The following ZNF384 variants were observed in gnomAD, a reference collection of about 807,000 sequenced individuals.
The protein encoded by ZNF384 is zinc finger protein 384.
A neutral mutation model predicts 65.0 loss-of-function variants in ZNF384; 20 were observed. The ratio of observed to expected loss-of-function variants is 0.31; its 90% confidence interval spans 0.22 to 0.45. ZNF384 has a LOEUF of 0.45. Among genes scored for constraint, ZNF384 ranks in the 20% least tolerant of loss-of-function variants. The pLI is 1.00. For synonymous variants in ZNF384, 310 were observed against 303.9 expected (o/e 1.02, Z -0.21); for missense variants, 549 against 769.4 (o/e 0.71, Z 3.39).
In ZNF384 at chr12:6,672,540, A is replaced by G. The variant is rs1197920474; in HGVS notation, c.1005-8T>C. On this transcript the variant is annotated splice_region_variant and splice_polypyrimidine_tract_variant and intron_variant, in intron 8 of 11. Transcript: ENST00000683879. The surrounding 1 kb of genome is among the most constrained non-coding windows in gnomAD (Gnocchi z 4.4). Reference sequence around the variant, plus strand: ...TGCATCTTGGAGTGGATCCTGCCGGAGAGGAGAGGAGGGAAGGGGGGAGGA... The same window carrying G: ...TGCATCTTGGAGTGGATCCTGCCGGGGAGGAGAGGAGGGAAGGGGGGAGGA... The G allele has an allele frequency of 6.2e-7, 1 of 1,613,190 alleles. No individual in the cohort carries two copies. The highest frequency in any genetic ancestry group is 2.2e-5 in the East Asian group (1 of 44,870).
rs775175519 is a variant in ZNF384 at position 6,678,758 on chromosome 12, G to A, written c.305-48C>T. The A allele has an allele frequency of 5.0e-6, 8 of 1,597,232 alleles. No homozygotes were observed. Among genetic ancestry groups the A allele is most frequent in the Non-Finnish European group, 6.0e-6 (7 of 1,165,390 alleles). On this transcript the variant is annotated intron_variant, in intron 4 of 11. Coordinates refer to ENST00000683879, the MANE Select transcript of ZNF384 (RefSeq NM_001385745.1). The surrounding 1 kb of genome is among the most constrained non-coding windows in gnomAD (Gnocchi z 4.9). ...TGTCACCTCCTCAAAGGCAGGGACC[G>A]CATCTTCTACTTCTTTGTATCCCCC...
At position 6,682,649 on chromosome 12, in the gene ZNF384, CA is replaced by C. The variant is rs1193634748; in HGVS notation, c.-5-3125del. On this transcript the variant is annotated intron_variant, in intron 2 of 11. Transcript: ENST00000683879. Reference sequence around the variant, plus strand: ...AGAGAAACCCTGTCTCAAAAACAAACAAAAAACAAAACAAAGCAAAGATGGG... The same window carrying C: ...AGAGAAACCCTGTCTCAAAAACAAACAAAAACAAAACAAAGCAAAGATGGG... 3.3e-5 allele frequency among the ~76,000 whole-genome samples: 5 copies of C among 151,988 alleles called. No individual in the cohort carries two copies. The South Asian group carries it at 6.2e-4, about 19-fold the overall frequency.
chr12:6,684,202 T>C (rs1022907685), intron 2 of ZNF384, among the ~76,000 whole-genome samples: 2 of 151,988 alleles, frequency 1.3e-5, no homozygotes, highest in Admixed American at 6.5e-5. Flanking sequence ...AGTCCAACAG[T>C]AAATAGCAAA....
intron 11 of ZNF384, 24 bp downstream of exon 11, chr12:6,669,007 G>A: frequency 6.3e-7 from 1 of 1,584,802 alleles, no homozygotes; most frequent in Non-Finnish European, 8.6e-7. Context: ...CTATGAGGAA[G>A]GAGAGAAGAA....
chr12:6,672,587 G>A lies in ZNF384; in HGVS notation c.1005-55C>T, dbSNP rs1365554346. 15 of 1,553,654 alleles carry A rather than the reference G, an allele frequency of 9.7e-6. No homozygotes were observed. The East Asian group carries it at 3.2e-4, about 33-fold the overall frequency. On this transcript the variant is annotated intron_variant, in intron 8 of 11. Coordinates refer to ENST00000683879, the MANE Select transcript of ZNF384 (RefSeq NM_001385745.1). The surrounding 1 kb of genome is among the most constrained non-coding windows in gnomAD (Gnocchi z 4.4). ...AGGAGGAAGCAGTTCGACACCAGGGGCTCAGCTCTCTGCTGGGTGAAATGA... is the reference window on the plus strand; with the variant it reads ...AGGAGGAAGCAGTTCGACACCAGGGACTCAGCTCTCTGCTGGGTGAAATGA...
At chr12:6,686,285 A>G (rs1381002613) in intron 2 of ZNF384, among the ~76,000 whole-genome samples, 3 of 152,212 alleles carry the variant, frequency 2.0e-5, no homozygotes, top group Non-Finnish European at 4.4e-5. Flanking sequence ...ACAGAGTCTC[A>G]TTTTGTTGCC....
At chr12:6,685,776 C>CAAA (rs778337408) in intron 2 of ZNF384, among the ~76,000 whole-genome samples, 1,477 of 38,122 alleles carry the variant, frequency 0.039, 39 homozygotes, top group African/African-American at 0.066. Context: ...GACTCAGTCT[C>CAAA]AAAAAAAAAA....
intron 10 of ZNF384, among the ~76,000 whole-genome samples, chr12:6,670,093 C>G (rs947045702): frequency 1.1e-4 from 17 of 152,184 alleles, no homozygotes; most frequent in Non-Finnish European, 2.2e-4. Flanking sequence ...AGGCCAGATG[C>G]AGCAGATCTG....
At chr12:6,670,902 A>C in intron 9 of ZNF384, 64 bp from the exon 10 acceptor site, 2 of 1,479,928 alleles carry the variant, frequency 1.4e-6, no homozygotes. Context: ...CTGGCTCAAC[A>C]AATCTTCTCC....
At chr12:6,668,157 G>C in intron 11 of ZNF384, 42 bp from the exon 12 acceptor site, 1 of 1,510,278 alleles carries the variant, frequency 6.6e-7, no homozygotes, top group Non-Finnish European at 8.9e-7. Context: ...TAAAGAGGAA[G>C]GAAAAGAGAT....
chr12:6,680,821 T>C (rs973435842), intron 2 of ZNF384, among the ~76,000 whole-genome samples: 1 of 152,328 alleles, frequency 6.6e-6, no homozygotes, highest in Non-Finnish European at 1.5e-5. Context: ...GAAAGTGTCC[T>C]GGCACTAGTA....
Position 6,672,260 on chromosome 12 carries a change from C to A in ZNF384, c.1187+90G>T. 1 of 1,412,098 alleles carries A rather than the reference C, an allele frequency of 7.1e-7. No homozygotes were observed. Among genetic ancestry groups the A allele is most frequent in the South Asian group, 1.4e-5 (1 of 71,912 alleles). The allele number at this position is 1,412,098 out of a possible 1,614,324, so 87.5% of individuals were successfully genotyped here. A position where few individuals can be genotyped will look rare whatever the true frequency, so the allele number is the denominator to read the frequency against. On this transcript the variant is annotated intron_variant, in intron 9 of 11. Transcript: ENST00000683879. The surrounding 1 kb of genome is among the most constrained non-coding windows in gnomAD (Gnocchi z 4.4). ...CCTCCAGCCAGGTCTCTCCCCCGCCCCCCGCATGCGGGTTGTTGTGTGTGT... is the reference window on the plus strand; with the variant it reads ...CCTCCAGCCAGGTCTCTCCCCCGCCACCCGCATGCGGGTTGTTGTGTGTGT...
Position 6,667,966 on chromosome 12 carries a change from GGCCTGGGCCTGGGCTTGAGCCTGA to G in ZNF384, c.1551_1574del (p.Gln520_Ala527del), listed in dbSNP as rs1950178995. 1.2e-6 allele frequency: 2 copies of G among 1,611,862 alleles called. No homozygotes were observed. The highest frequency in any genetic ancestry group is 1.7e-6 in the Non-Finnish European group (2 of 1,178,876). On this transcript the variant is annotated inframe_deletion, in exon 12 of 12. Transcript: ENST00000683879. ...GCTGCTGTGATGCCTGGGAGGCCTG[GGCCTGGGCCTGGGCTTGAGCCTGA>G]GCCTGAGCCTGGGCTTGAGCTTGAG...
chr12:6,670,598 A>G lies in ZNF384; in HGVS notation c.1266+162T>C, dbSNP rs79220185. On this transcript the variant is annotated intron_variant, in intron 10 of 11. Transcript: ENST00000683879. ...ATTTTTCAGGTTTTTCAGTTTTACAACGTCTATGTAGACAGCTATTACCCA... is the reference window on the plus strand; with the variant it reads ...ATTTTTCAGGTTTTTCAGTTTTACAGCGTCTATGTAGACAGCTATTACCCA... Among the ~76,000 whole-genome samples, 267 of 152,364 alleles carry G rather than the reference A, an allele frequency of 1.8e-3. 1 individual carries two copies. The highest frequency in any genetic ancestry group is 6.1e-3 in the African/African-American group (253 of 41,580).
Position 6,679,127 on chromosome 12 carries a change from G to A in ZNF384, c.123C>T (p.Gly41=). The change falls in exon 4 of 12, where the codon GGC becomes GGT. Residue 41 remains glycine, a synonymous_variant. Coordinates refer to ENST00000683879, the MANE Select transcript of ZNF384 (RefSeq NM_001385745.1). ...KMKDQLLPEK[G]CGLAPPHYPT... ...GGTAGTGAGGTGGGGCCAGACCACA[G>A]CCCTTCTCTGGCAACAGCTGATCCT... The A allele has an allele frequency of 6.2e-7, 1 of 1,608,716 alleles. No homozygotes were observed. The highest frequency in any genetic ancestry group is 8.5e-7 in the Non-Finnish European group (1 of 1,176,738).
intron 9 of ZNF384, chr12:6,671,690 A>G (rs1166053064): frequency 6.6e-6 from 1 of 152,398 alleles, no homozygotes; most frequent in Non-Finnish European, 1.5e-5. Flanking sequence ...TCTGGACTCC[A>G]GTTCAACTTG....
chr12:6,686,946 C>A (rs1230498958), intron 2 of ZNF384, among the ~76,000 whole-genome samples: 1 of 152,164 alleles, frequency 6.6e-6, no homozygotes, highest in Non-Finnish European at 1.5e-5. Flanking sequence ...AACTTGAATT[C>A]AACTACAGAA....
chr12:6,672,581 C>A lies in ZNF384; in HGVS notation c.1005-49G>T. ...GGGGGGAGGAGGAAGCAGTTCGACACCAGGGGCTCAGCTCTCTGCTGGGTG... is the reference window on the plus strand; with the variant it reads ...GGGGGGAGGAGGAAGCAGTTCGACAACAGGGGCTCAGCTCTCTGCTGGGTG... On this transcript the variant is annotated intron_variant, in intron 8 of 11. Transcript: ENST00000683879. The surrounding 1 kb of genome is among the most constrained non-coding windows in gnomAD (Gnocchi z 4.4). 6.4e-7 allele frequency: 1 copy of A among 1,571,574 alleles called. No homozygotes were observed. Among genetic ancestry groups the A allele is most frequent in the Non-Finnish European group, 8.7e-7 (1 of 1,148,322 alleles).
intron 7 of ZNF384, among the ~76,000 whole-genome samples, chr12:6,675,588 T>G (rs1953186726): frequency 6.6e-6 from 1 of 152,130 alleles, no homozygotes; most frequent in Non-Finnish European, 1.5e-5. Context: ...AATTTAGTTT[T>G]GGAGAGTCGT....
Sources: allele counts gnomAD v4.1 joint callset (sites outside exome capture counted in the v4.1 genomes callset), GRCh38; gene constraint gnomAD v4.1.1; non-coding constraint Gnocchi (gnomAD v3.1); transcripts MANE v1.5; gene names NCBI Gene and HGNC (gene_info 2026-07-23, HGNC 2026-07-21).